DCAF5: variants seen among roughly 807,000 people sequenced by gnomAD.
DCAF5 encodes the protein DDB1- and CUL4-associated factor 5.
DCAF5 carries 9 observed loss-of-function variants against 80.7 expected under a neutral mutation model. The ratio of observed to expected loss-of-function variants is 0.11; its 90% confidence interval spans 0.07 to 0.19. The LOEUF (loss-of-function observed/expected upper bound fraction) is 0.19, where lower values mean the gene tolerates loss of function less well. DCAF5 is among the 10% of genes least tolerant of loss of function. DCAF5 has a pLI of 1.00. For missense variants in DCAF5, 842 were observed against 1,205.7 expected, an observed-to-expected ratio of 0.70 and a Z score of 4.47; for synonymous variants, 433 against 461.9, an observed-to-expected ratio of 0.94 and a Z score of 0.80.
intron 8 of DCAF5, among the ~76,000 whole-genome samples, chr14:69,060,112 C>T (rs1050913556): frequency 3.6e-4 from 54 of 152,028 alleles, no homozygotes; most frequent in African/African-American, 1.2e-3. Flanking sequence ...TCAACAGGCC[C>T]GGAGAGGACA....
chr14:69,126,993 T>C (rs893151631), intron 1 of DCAF5, among the ~76,000 whole-genome samples: 2 of 152,230 alleles, frequency 1.3e-5, no homozygotes, highest in Non-Finnish European at 2.9e-5. Flanking sequence ...CACCAAATGC[T>C]GGTCATGATG....
intron 2 of DCAF5, among the ~76,000 whole-genome samples, chr14:69,121,193 T>C (rs1465898300): frequency 6.6e-6 from 1 of 152,250 alleles, no homozygotes; most frequent in Non-Finnish European, 1.5e-5. Context: ...CTTCAGGCAC[T>C]GTAGGCTCAA....
At chr14:69,074,531 T>A (rs1161494856) in intron 7 of DCAF5, among the ~76,000 whole-genome samples, 1 of 152,108 alleles carries the variant, frequency 6.6e-6, no homozygotes, top group Non-Finnish European at 1.5e-5. Flanking sequence ...ATAGCAAATG[T>A]AAAAATATTT....
At chr14:69,057,429 C>G (rs533932948) in intron 8 of DCAF5, among the ~76,000 whole-genome samples, 1 of 151,836 alleles carries the variant, frequency 6.6e-6, no homozygotes, top group South Asian at 2.1e-4. Flanking sequence ...ATGTCATTAA[C>G]CATGTTCTCT....
At chr14:69,079,792 A>G (rs1302392892) in intron 6 of DCAF5, among the ~76,000 whole-genome samples, 2 of 152,202 alleles carry the variant, frequency 1.3e-5, no homozygotes, top group Non-Finnish European at 2.9e-5. Context: ...AAAATATTAC[A>G]GACATATATA....
rs2037754343 is a variant in DCAF5, at chr14:69,051,336, A to T, written c.*2521T>A. The T allele has an allele frequency of 6.6e-6, 1 of 152,628 alleles. No individual in the cohort carries two copies. The allele number at this position is 152,628 out of a possible 1,614,324, so 9.5% of individuals were successfully genotyped here. On this transcript the variant is annotated 3_prime_UTR_variant, in exon 9 of 9. Transcript: ENST00000341516. The stretch of plus-strand genomic sequence containing the variant: ...CATCAAAGTTGGGGCCTCAATTCTA[A>T]AAGAGTTTAGGCAAAGGTACTCTAG...
At chr14:69,137,315 TC>T (rs1280280163) in intron 1 of DCAF5, among the ~76,000 whole-genome samples, 1 of 152,148 alleles carries the variant, frequency 6.6e-6, no homozygotes, top group Non-Finnish European at 1.5e-5. Flanking sequence ...GCCAGGTACT[TC>T]CAGATCACAA....
chr14:69,127,659 T>C (rs942866802), intron 1 of DCAF5, among the ~76,000 whole-genome samples: 1 of 152,214 alleles, frequency 6.6e-6, no homozygotes, highest in African/African-American at 2.4e-5. Context: ...GTGTTTATGA[T>C]GTGTCAGTAT....
chr14:69,067,278 G>A (rs531665386), intron 7 of DCAF5, among the ~76,000 whole-genome samples: 3 of 151,478 alleles, frequency 2.0e-5, no homozygotes, highest in African/African-American at 7.3e-5. Flanking sequence ...CTTCACATAT[G>A]GGCTCCATCA....
chr14:69,144,563 C>T lies in DCAF5; in HGVS notation c.214+8202G>A, dbSNP rs150167873. On this transcript the variant is annotated intron_variant, in intron 1 of 8. Coordinates refer to ENST00000341516, the MANE Select transcript of DCAF5 (RefSeq NM_003861.3). ...CTGCACTCCAGCCGGGGCGACAGAG[C>T]GAGACTCCGTTTAAAAAAAAAAGAT... 6.0e-3 allele frequency among the ~76,000 whole-genome samples: 898 copies of T among 149,130 alleles called. 3 individuals carry two copies. Among genetic ancestry groups the T allele is most frequent in the African/African-American group, 0.019 (771 of 40,376 alleles).
At chr14:69,078,151 T>C (rs533329069) in intron 6 of DCAF5, among the ~76,000 whole-genome samples, 140 of 152,248 alleles carry the variant, frequency 9.2e-4, no homozygotes, top group African/African-American at 3.1e-3. Flanking sequence ...AACTTTAATT[T>C]AAAAGTTTCC....
At chr14:69,103,220 G>T (rs1202670819) in intron 5 of DCAF5, among the ~76,000 whole-genome samples, 1 of 152,096 alleles carries the variant, frequency 6.6e-6, no homozygotes, top group Admixed American at 6.5e-5. Context: ...AGAAGCATAT[G>T]GAAATAATGC....
At position 69,051,285 on chromosome 14, in the gene DCAF5, T is replaced by C. The variant is rs529357841; in HGVS notation, c.*2572A>G. 1.3e-5 allele frequency: 2 copies of C among 152,756 alleles called. No homozygotes were observed. The highest frequency in any genetic ancestry group is 2.4e-5 in the African/African-American group (1 of 41,570). 9.5% of individuals were successfully genotyped at this position (152,756 alleles called of 1,614,324 possible). A position where few individuals can be genotyped will look rare whatever the true frequency, so the allele number is the denominator to read the frequency against. On this transcript the variant is annotated 3_prime_UTR_variant, in exon 9 of 9. Transcript: ENST00000341516. ...GTCCTGCTATTAAAAATATCTATTA[T>C]GGAAGAAATTGGGTATTAAATGTGC... is the stretch of plus-strand genomic sequence containing the variant.
rs28432699 is a variant in DCAF5, at chr14:69,130,313, T to G, written c.215-7953A>C. Among the ~76,000 whole-genome samples the G allele has an allele frequency of 1.8e-3, 272 of 152,312 alleles. 1 individual carries two copies. Among genetic ancestry groups the G allele is most frequent in the African/African-American group, 6.3e-3 (261 of 41,574 alleles). On this transcript the variant is annotated intron_variant, in intron 1 of 8. Transcript: ENST00000341516. ...ATCAACAGAAGTCTGGTTAAAATTATTGTTTAATAAAATAAGCCAGACATA... is the reference window on the plus strand; with the variant it reads ...ATCAACAGAAGTCTGGTTAAAATTAGTGTTTAATAAAATAAGCCAGACATA...
chr14:69,078,770 T>C (rs906068189), intron 6 of DCAF5, among the ~76,000 whole-genome samples: 2 of 152,164 alleles, frequency 1.3e-5, no homozygotes, highest in African/African-American at 4.8e-5. Context: ...GAGTTGATGT[T>C]TAGTGGGCAG....
At chr14:69,074,871 T>C (rs1447503240) in intron 7 of DCAF5, among the ~76,000 whole-genome samples, 1 of 152,024 alleles carries the variant, frequency 6.6e-6, no homozygotes, top group Non-Finnish European at 1.5e-5. Context: ...CTGTTTCTAC[T>C]AAAAATACAA....
chr14:69,101,752 T>G (rs1490713594), intron 5 of DCAF5, among the ~76,000 whole-genome samples: 1 of 152,204 alleles, frequency 6.6e-6, no homozygotes, highest in Non-Finnish European at 1.5e-5. Flanking sequence ...TAACCTAGGC[T>G]ACAAACCTGT....
At chr14:69,083,996 G>T (rs55876098) in intron 6 of DCAF5, 2 of 781,844 alleles carry the variant, frequency 2.6e-6, no homozygotes, top group African/African-American at 3.4e-5. Context: ...CTGAAATTCA[G>T]CATAAAAGTA....
intron 6 of DCAF5, chr14:69,084,348 A>AT: frequency 1.1e-6 from 1 of 948,594 alleles, no homozygotes; most frequent in Non-Finnish European, 1.7e-6. Context: ...GGGTTTATGT[A>AT]TAAAAATCTG....
Sources: gnomAD v4.1 joint callset for allele counts (sites outside exome capture counted in the v4.1 genomes callset) on GRCh38, gnomAD v4.1.1 for gene constraint, MANE v1.5 for transcripts, NCBI Gene and HGNC (gene_info 2026-07-23, HGNC 2026-07-21) for gene names.